Variants in CSMD1 observed in about 807,000 individuals in gnomAD.
The protein encoded by CSMD1 is CUB and sushi domain-containing protein 1.
A neutral mutation model predicts 417.5 loss-of-function variants in CSMD1; 213 were observed. The observed-to-expected ratio is 0.51, with a 90% CI of 0.46 to 0.57. The LOEUF is 0.57. Among genes scored for constraint, CSMD1 ranks in the 20% least tolerant of loss-of-function variants. The pLI, the probability that CSMD1 is intolerant of heterozygous loss-of-function variation, is 0.00. For synonymous variants in CSMD1, 2,862 were observed against 1,736.8 expected (o/e 1.65, Z -16.11); for missense variants, 6,923 against 4,529.7 (o/e 1.53, Z -15.17).
chr8:3,440,026 C>T (rs1281633903), intron 12 of CSMD1, among the ~76,000 whole-genome samples: 4 of 152,158 alleles, frequency 2.6e-5, no homozygotes, highest in Non-Finnish European at 4.4e-5. Flanking sequence ...TCTGCCCTTC[C>T]ACCAACACCA....
intron 12 of CSMD1, among the ~76,000 whole-genome samples, chr8:3,459,873 A>C (rs1234486246): frequency 1.4e-5 from 2 of 141,846 alleles, no homozygotes; most frequent in Non-Finnish European, 3.2e-5. Context: ...ACTAAGACTT[A>C]AAAAAAAACT....
At chr8:2,971,486 A>G (rs1046131483) in intron 57 of CSMD1, among the ~76,000 whole-genome samples, 3 of 152,164 alleles carry the variant, frequency 2.0e-5, no homozygotes, top group Non-Finnish European at 4.4e-5. Flanking sequence ...GACTCGATTC[A>G]GGTTACGCAT....
chr8:3,324,255 A>T (rs1463580840), intron 23 of CSMD1, among the ~76,000 whole-genome samples: 1 of 123,036 alleles, frequency 8.1e-6, no homozygotes, highest in African/African-American at 3.3e-5. Flanking sequence ...CCTTCACCCC[A>T]CCTTTCATCG....
At chr8:4,180,620 A>T (rs1326780450) in intron 3 of CSMD1, among the ~76,000 whole-genome samples, 1 of 152,198 alleles carries the variant, frequency 6.6e-6, no homozygotes, top group South Asian at 2.1e-4. Flanking sequence ...ACAAAACAAA[A>T]CAGAACAAAA....
chr8:3,798,447 T>G (rs1199084456), intron 5 of CSMD1, among the ~76,000 whole-genome samples: 1 of 152,108 alleles, frequency 6.6e-6, no homozygotes, highest in African/African-American at 2.4e-5. Flanking sequence ...TATACTCATT[T>G]TGATTTCAGG....
chr8:3,851,787 A>G (rs777457428), intron 5 of CSMD1, among the ~76,000 whole-genome samples: 1 of 152,196 alleles, frequency 6.6e-6, no homozygotes, highest in Non-Finnish European at 1.5e-5. Flanking sequence ...ACCACAAGTC[A>G]GGTGTGAGTA....
chr8:3,579,502 G>C (rs1800292328), intron 9 of CSMD1, among the ~76,000 whole-genome samples: 1 of 152,108 alleles, frequency 6.6e-6, no homozygotes, highest in Non-Finnish European at 1.5e-5. Flanking sequence ...TTTTTTTAAA[G>C]CAAATTTATA....
intron 12 of CSMD1, among the ~76,000 whole-genome samples, chr8:3,425,825 T>A (rs118007961): frequency 6.6e-6 from 1 of 152,120 alleles, no homozygotes; most frequent in Non-Finnish European, 1.5e-5. Context: ...TATATTGACA[T>A]TGAGGTGAAG....
intron 26 of CSMD1, among the ~76,000 whole-genome samples, chr8:3,234,194 A>G (rs1216708268): frequency 1.3e-5 from 2 of 152,148 alleles, no homozygotes; most frequent in African/African-American, 2.4e-5. Context: ...TAGCTTCACA[A>G]TCTCTCTCCA....
intron 2 of CSMD1, among the ~76,000 whole-genome samples, chr8:4,538,342 C>G (rs1373717208): frequency 6.6e-6 from 1 of 151,940 alleles, no homozygotes; most frequent in Admixed American, 6.6e-5. Flanking sequence ...CTCTTCAGGT[C>G]TAACTTTTTT....
At chr8:4,897,488 T>C (rs1804574232) in intron 1 of CSMD1, among the ~76,000 whole-genome samples, 1 of 152,068 alleles carries the variant, frequency 6.6e-6, no homozygotes, top group Non-Finnish European at 1.5e-5. Flanking sequence ...TGGGTTGCTG[T>C]AGACCCTGGC....
intron 5 of CSMD1, among the ~76,000 whole-genome samples, chr8:3,984,392 T>C (rs895662838): frequency 6.6e-6 from 1 of 152,146 alleles, no homozygotes; most frequent in Non-Finnish European, 1.5e-5. Context: ...GACTTTTCAA[T>C]TCTAAACTGG....
At chr8:3,626,070 C>T (rs1346182424) in intron 7 of CSMD1, among the ~76,000 whole-genome samples, 4 of 152,078 alleles carry the variant, frequency 2.6e-5, no homozygotes, top group African/African-American at 9.7e-5. Flanking sequence ...TTTATAAGAG[C>T]CTGGAGAATC....
intron 1 of CSMD1, among the ~76,000 whole-genome samples, chr8:4,786,318 T>G (rs1029321665): frequency 6.6e-6 from 1 of 152,216 alleles, no homozygotes; most frequent in African/African-American, 2.4e-5. Flanking sequence ...CAGGTTTATT[T>G]TAAAAATGTG....
intron 7 of CSMD1, among the ~76,000 whole-genome samples, chr8:3,659,010 G>T (rs187924946): frequency 6.6e-6 from 1 of 152,020 alleles, no homozygotes; most frequent in East Asian, 1.9e-4. Context: ...ATACTTCTAG[G>T]TCCTCAGAGC....
chr8:3,838,476 A>T (rs1349004709), intron 5 of CSMD1, among the ~76,000 whole-genome samples: 1 of 137,384 alleles, frequency 7.3e-6, no homozygotes, highest in Non-Finnish European at 1.6e-5. Context: ...ATTATATTAT[A>T]TATAGCCTAT....
At chr8:4,534,467 A>G (rs1002239296) in intron 2 of CSMD1, among the ~76,000 whole-genome samples, 6 of 152,166 alleles carry the variant, frequency 3.9e-5, no homozygotes, top group Admixed American at 1.3e-4. Context: ...TTATTGTTTT[A>G]AATGTTGCCT....
At chr8:3,520,357 A>G (rs374480005) in intron 10 of CSMD1, among the ~76,000 whole-genome samples, 12 of 152,172 alleles carry the variant, frequency 7.9e-5, no homozygotes, top group East Asian at 3.9e-4. Context: ...ATTTTGACTA[A>G]TAATTATGAT....
At chr8:4,181,112 G>C (rs573735734) in intron 3 of CSMD1, among the ~76,000 whole-genome samples, 9 of 152,226 alleles carry the variant, frequency 5.9e-5, no homozygotes, top group African/African-American at 2.2e-4. Flanking sequence ...TGATTGACCA[G>C]CCAATTCCAA....
Sources: gnomAD v4.1 joint callset for allele counts (sites outside exome capture counted in the v4.1 genomes callset) on GRCh38, gnomAD v4.1.1 for gene constraint, MANE v1.5 for transcripts, NCBI Gene and HGNC (gene_info 2026-07-23, HGNC 2026-07-21) for gene names.